C4orf36: variants seen among roughly 807,000 people sequenced by gnomAD.
The protein encoded by C4orf36 is chromosome 4 open reading frame 36.
In C4orf36, 11 loss-of-function variants were observed where a neutral mutation model predicts 12.2. The ratio of observed to expected loss-of-function variants is 0.90; its 90% CI spans 0.57 to 1.49. The LOEUF (loss-of-function observed/expected upper bound fraction) is 1.49. Among genes scored for constraint, C4orf36 ranks in the 40% most tolerant of loss-of-function variants. The probability of loss-of-function intolerance (pLI) is 0.00; values close to 1 mark genes in which losing one functional copy is unlikely to be tolerated. For synonymous variants in C4orf36, 54 were observed against 51.3 expected (o/e 1.05, Z -0.22); for missense variants, 137 against 133.9 (o/e 1.02, Z -0.11).
At chr4:86,923,468 A>G in the C4orf36 span, among the ~76,000 whole-genome samples, 1,438 of 148,622 alleles carry the variant, frequency 9.7e-3, 28 homozygotes, top group African/African-American at 0.034. Context: ...TTTATATTAA[A>G]TTTTTCCTGC....
In C4orf36 at chr4:86,879,682, A is replaced by C. The variant is rs571869935; in HGVS notation, c.*3-3239T>G. ...AGAAAATGAACATACCAATTCAAAA[A>C]GCCCAACAAACTCCAACTAGGATAA... On this transcript the variant is annotated intron_variant, in intron 4 of 4. Coordinates refer to ENST00000295898, the MANE Select transcript of C4orf36 (RefSeq NM_144645.4). 2.9e-4 allele frequency among the ~76,000 whole-genome samples: 44 copies of C among 152,306 alleles called. No individual in the cohort carries two copies. In the South Asian group the frequency reaches 8.9e-3, roughly 31 times the overall value.
chr4:86,914,048 C>T, the C4orf36 span: 1 of 1,610,708 alleles, frequency 6.2e-7, no homozygotes, highest in Non-Finnish European at 8.5e-7. Context: ...GATGGCAATC[C>T]AAGCTGAGGA....
the C4orf36 span, among the ~76,000 whole-genome samples, chr4:86,911,877 G>A: frequency 0.45 from 68,421 of 151,380 alleles, 16,781 homozygotes; most frequent in Middle Eastern, 0.62. Flanking sequence ...ATGTTTTTTT[G>A]AGACGGAGTT....
the C4orf36 span, among the ~76,000 whole-genome samples, chr4:86,934,287 T>C: frequency 3.9e-5 from 6 of 152,224 alleles, no homozygotes; most frequent in African/African-American, 1.4e-4. Flanking sequence ...TTCCTTGGTA[T>C]GTTTACAGCA....
At chr4:86,886,880 T>C (rs1438027665) in intron 4 of C4orf36, 1 of 152,142 alleles carries the variant, frequency 6.6e-6, no homozygotes, top group African/African-American at 2.4e-5. Context: ...CCAACAATGA[T>C]AGACTGGATT....
Position 86,887,789 on chromosome 4 carries a change from C to T in C4orf36, c.325G>A (p.Gly109Ser), listed in dbSNP as rs763937613. ...TTAGATGGAAGAGGTCTTCTCAAAC[C>T]GGCTGGCCTTTCCCTCAGGAGAAGC... ...IQLLLRERPAGLRRPLPSK is the reference protein window; with the variant it reads ...IQLLLRERPASLRRPLPSK The change falls in exon 4 of 5, where the codon GGT (glycine) becomes AGT (serine). Residue 109 changes from glycine to serine, a missense_variant. Physicochemically the swap from Gly to Ser is moderately conservative, Grantham distance 56. Coordinates refer to ENST00000295898, the MANE Select transcript of C4orf36 (RefSeq NM_144645.4). 2.2e-5 allele frequency: 36 copies of T among 1,614,090 alleles called. No individual in the cohort carries two copies. The highest frequency in any genetic ancestry group is 5.3e-5 in the African/African-American group (4 of 74,928).
At chr4:86,895,368 A>T (rs558907863), upstream of C4orf36, among the ~76,000 whole-genome samples, 43 of 152,348 alleles carry the variant, frequency 2.8e-4, no homozygotes, top group East Asian at 5.8e-3. Context: ...TTTTGGGATA[A>T]TGGTTACACA....
upstream of C4orf36, among the ~76,000 whole-genome samples, chr4:86,895,522 C>A (rs1226612487): frequency 1.3e-5 from 2 of 152,160 alleles, no homozygotes; most frequent in African/African-American, 2.4e-5. Context: ...TTACACTTTA[C>A]AGACATTTGC....
At position 86,876,794 on chromosome 4, in the gene C4orf36, AAG is replaced by A. The variant is rs150538458; in HGVS notation, c.*3-353_*3-352del. The stretch of plus-strand genomic sequence containing the variant: ...TGGTTGCAATTTTAAAATAAAAAAA[AAG>A]AGATTTTCTCATGGATATACAACTA... On this transcript the variant is annotated intron_variant, in intron 4 of 4. Transcript: ENST00000295898. The A allele has an allele frequency of 7.0e-3, 9,410 of 1,353,678 alleles. 547 individuals carry two copies. In the African/African-American group the frequency reaches 0.12, roughly 18 times the overall value. The allele number at this position is 1,353,678 out of a possible 1,614,324, so 83.9% of individuals were successfully genotyped here.
At chr4:86,917,075 C>T in the C4orf36 span, among the ~76,000 whole-genome samples, 2 of 151,984 alleles carry the variant, frequency 1.3e-5, no homozygotes, top group East Asian at 1.9e-4. Context: ...GCCAGGAGTT[C>T]GAGACCAGCC....
chr4:86,891,874 C>T (rs1028822194), intron 1 of C4orf36, among the ~76,000 whole-genome samples: 3 of 152,252 alleles, frequency 2.0e-5, no homozygotes, highest in Admixed American at 1.3e-4. Flanking sequence ...AGCTCCAACA[C>T]CGCTGCGCCA....
intron 4 of C4orf36, among the ~76,000 whole-genome samples, chr4:86,884,984 G>A (rs544917362): frequency 6.6e-6 from 1 of 152,112 alleles, no homozygotes. Flanking sequence ...GTTCGTTTTT[G>A]TCAGGTTTGT....
the C4orf36 span, among the ~76,000 whole-genome samples, chr4:86,908,184 C>CACAA: frequency 6.8e-6 from 1 of 147,312 alleles, no homozygotes; most frequent in East Asian, 2.1e-4. Flanking sequence ...CACACACACA[C>CACAA]ACACACACAC....
rs759743193 is a variant in C4orf36 at position 86,887,753 on chromosome 4, C to T, written c.*2+5G>A. The T allele has an allele frequency of 6.2e-7, 1 of 1,614,018 alleles. No homozygotes were observed. The highest frequency in any genetic ancestry group is 1.1e-5 in the South Asian group (1 of 91,086). ...CACAGAGTACAGATTCAATCATGAA[C>T]TGACTGTCATTTAGATGGAAGAGGT... On this transcript the variant is annotated splice_donor_5th_base_variant and intron_variant, in intron 4 of 4. Transcript: ENST00000295898.
the C4orf36 span, among the ~76,000 whole-genome samples, chr4:86,897,924 A>G: frequency 1.7e-4 from 26 of 152,236 alleles, no homozygotes; most frequent in Admixed American, 1.3e-3. Context: ...AGGCAAGCAC[A>G]AAGCATTAGT....
chr4:86,908,178 C>T, the C4orf36 span, among the ~76,000 whole-genome samples: 4 of 29,104 alleles, frequency 1.4e-4, no homozygotes, highest in Admixed American at 1.3e-3. Context: ...TACACACACA[C>T]ACACACACAC....
At chr4:86,920,307 C>T in the C4orf36 span, among the ~76,000 whole-genome samples, 2 of 152,190 alleles carry the variant, frequency 1.3e-5, no homozygotes, top group South Asian at 4.1e-4. Flanking sequence ...CAGCTCTCTT[C>T]TTCTTCTGAG....
the C4orf36 span, among the ~76,000 whole-genome samples, chr4:86,922,136 G>A: frequency 6.6e-6 from 1 of 152,136 alleles, no homozygotes; most frequent in Non-Finnish European, 1.5e-5. Flanking sequence ...ATGCTAGAAT[G>A]CATTTATTTA....
chr4:86,930,941 A>C, the C4orf36 span, among the ~76,000 whole-genome samples: 1 of 152,208 alleles, frequency 6.6e-6, no homozygotes, highest in Non-Finnish European at 1.5e-5. Flanking sequence ...CAGATAACTA[A>C]GAATTTCTCT....
Sources: gnomAD v4.1 joint callset for allele counts (sites outside exome capture counted in the v4.1 genomes callset) on GRCh38, gnomAD v4.1.1 for gene constraint, MANE v1.5 for transcripts, NCBI Gene and HGNC (gene_info 2026-07-23, HGNC 2026-07-21) for gene names.